The following PTPRN2 variants were observed in gnomAD, a reference collection of about 807,000 sequenced individuals.
PTPRN2 encodes the protein receptor-type tyrosine-protein phosphatase N2.
PTPRN2 carries 74 observed loss-of-function variants against 118.8 expected under a neutral mutation model. That is an observed-to-expected ratio of 0.62 (90% CI 0.52 to 0.76). The LOEUF is 0.76. Among genes scored for constraint, PTPRN2 ranks in the 30% least tolerant of loss-of-function variants. The probability of loss-of-function intolerance (pLI) is 0.00; values close to 1 mark genes in which losing one functional copy is unlikely to be tolerated. For missense variants in PTPRN2, 1,481 were observed against 1,394.4 expected, an observed-to-expected ratio of 1.06 and a Z score of -0.99; for synonymous variants, 641 against 608.0, an observed-to-expected ratio of 1.05 and a Z score of -0.80.
At chr7:157,816,319 A>G (rs1806397818) in intron 12 of PTPRN2, among the ~76,000 whole-genome samples, 1 of 152,160 alleles carries the variant, frequency 6.6e-6, no homozygotes, top group South Asian at 2.1e-4. Context: ...GGTCGGCCCC[A>G]GGGTGAATGA....
At chr7:157,856,454 G>A (rs1428575983) in intron 12 of PTPRN2, among the ~76,000 whole-genome samples, 4 of 152,262 alleles carry the variant, frequency 2.6e-5, no homozygotes, top group African/African-American at 7.2e-5. Flanking sequence ...TTGCTGGGGC[G>A]TCCCGTTCCC....
At chr7:158,472,932 G>T (rs967381168) in intron 2 of PTPRN2, among the ~76,000 whole-genome samples, 2 of 152,034 alleles carry the variant, frequency 1.3e-5, no homozygotes, top group African/African-American at 4.8e-5. Flanking sequence ...TGCTGCAAAT[G>T]CTGGTGGTTA....
At chr7:158,228,502 CA>C (rs1315679798) in intron 3 of PTPRN2, among the ~76,000 whole-genome samples, 2 of 152,150 alleles carry the variant, frequency 1.3e-5, no homozygotes, top group South Asian at 2.1e-4. Flanking sequence ...CTTCTGGTCC[CA>C]AAATGGTGGT....
At chr7:158,183,628 C>T (rs1388543888) in intron 5 of PTPRN2, among the ~76,000 whole-genome samples, 1 of 152,214 alleles carries the variant, frequency 6.6e-6, no homozygotes, top group Admixed American at 6.5e-5. Flanking sequence ...GCTTCTCCTA[C>T]TTTATATTCT....
chr7:158,372,609 C>A (rs1810153692), intron 2 of PTPRN2, among the ~76,000 whole-genome samples: 1 of 150,430 alleles, frequency 6.6e-6, no homozygotes, highest in South Asian at 2.1e-4. Context: ...AGAGCTGGTC[C>A]CCACCACGCT....
intron 11 of PTPRN2, among the ~76,000 whole-genome samples, chr7:157,941,289 A>G (rs1370349529): frequency 1.4e-5 from 1 of 69,174 alleles, no homozygotes; most frequent in Non-Finnish European, 2.3e-5. Flanking sequence ...CTGCAAATCT[A>G]ACACTCTCCC....
intron 2 of PTPRN2, among the ~76,000 whole-genome samples, chr7:158,337,758 T>C (rs1283160423): frequency 3.5e-3 from 303 of 86,512 alleles, no homozygotes; most frequent in Middle Eastern, 9.4e-3. Flanking sequence ...CCATAAGAGG[T>C]GACACCTGCA....
chr7:157,821,579 T>C (rs74592271), intron 12 of PTPRN2, among the ~76,000 whole-genome samples: 5,107 of 152,196 alleles, frequency 0.034, 293 homozygotes, highest in African/African-American at 0.11. Flanking sequence ...CAAAAGCTGA[T>C]GGAGAGCCCA....
intron 1 of PTPRN2, among the ~76,000 whole-genome samples, chr7:158,512,052 A>G (rs1344440420): frequency 1.3e-5 from 2 of 152,228 alleles, no homozygotes; most frequent in Non-Finnish European, 2.9e-5. Context: ...TTAACAAAAA[A>G]AATCAAGGAT....
At chr7:158,507,583 G>A (rs1822848927) in intron 1 of PTPRN2, among the ~76,000 whole-genome samples, 1 of 146,730 alleles carries the variant, frequency 6.8e-6, no homozygotes, top group African/African-American at 2.6e-5. Flanking sequence ...GCAGGAAATT[G>A]CACACACGAA....
intron 13 of PTPRN2, among the ~76,000 whole-genome samples, chr7:157,679,110 TAC>T (rs1417108734): frequency 6.6e-6 from 1 of 151,862 alleles, no homozygotes; most frequent in Non-Finnish European, 1.5e-5. Flanking sequence ...AATATATATA[TAC>T]ACACATATAT....
chr7:158,162,642 A>ACTGCATGTCACCTGTTGTC (rs1554566791), intron 6 of PTPRN2, among the ~76,000 whole-genome samples: 12 of 151,064 alleles, frequency 7.9e-5, no homozygotes, highest in Non-Finnish European at 1.8e-4. Flanking sequence ...TTCACCGGCC[A>ACTGCATGTCACCTGTTGTC]CTGCACGTCA....
At chr7:158,210,130 T>C (rs535130358) in intron 3 of PTPRN2, among the ~76,000 whole-genome samples, 16 of 131,642 alleles carry the variant, frequency 1.2e-4, no homozygotes, top group Admixed American at 3.8e-4. Context: ...TAATGATGCA[T>C]CTTTTTTTTT....
chr7:158,334,725 C>A (rs1291160948), intron 2 of PTPRN2, among the ~76,000 whole-genome samples: 8 of 24,488 alleles, frequency 3.3e-4, no homozygotes, highest in Non-Finnish European at 4.1e-4. Flanking sequence ...GACGTCACAC[C>A]CACACTCTCA....
intron 3 of PTPRN2, among the ~76,000 whole-genome samples, chr7:158,304,604 T>C (rs1801144512): frequency 6.6e-6 from 1 of 152,246 alleles, no homozygotes; most frequent in African/African-American, 2.4e-5. Flanking sequence ...TACACAGGCT[T>C]GGTCCAGAAA....
rs113696089 is a variant in PTPRN2, at chr7:158,102,960, C to A, written c.1643+7869G>T. On this transcript the variant is annotated intron_variant, in intron 10 of 22. Coordinates refer to ENST00000389418, the MANE Select transcript of PTPRN2 (RefSeq NM_002847.5). ...AGCGGCATCAGAGCTGAGTCCTAGACAGGGAGCCTGACGGGACAGGAGCTG... is the reference window on the plus strand; with the variant it reads ...AGCGGCATCAGAGCTGAGTCCTAGAAAGGGAGCCTGACGGGACAGGAGCTG... 3.4e-3 allele frequency among the ~76,000 whole-genome samples: 516 copies of A among 152,318 alleles called. 5 individuals carry two copies. The highest frequency in any genetic ancestry group is 0.012 in the African/African-American group (495 of 41,576).
rs1798208864 is a variant in PTPRN2, at chr7:157,704,037, G to A, written c.1789-21100C>T. Among the ~76,000 whole-genome samples the A allele has an allele frequency of 5.3e-5, 8 of 152,300 alleles. No homozygotes were observed. The East Asian group carries it at 1.5e-3, about 29-fold the overall frequency. ...GGTGCCATCCTCCGCGGGGTGAGGTGCCACCAGGAATCCCTTTCCTTAGAT... is the reference window on the plus strand; with the variant it reads ...GGTGCCATCCTCCGCGGGGTGAGGTACCACCAGGAATCCCTTTCCTTAGAT... On this transcript the variant is annotated intron_variant, in intron 12 of 22. Coordinates refer to ENST00000389418, the MANE Select transcript of PTPRN2 (RefSeq NM_002847.5).
intron 12 of PTPRN2, among the ~76,000 whole-genome samples, chr7:157,758,169 G>C (rs1429588582): frequency 6.6e-6 from 1 of 152,244 alleles, no homozygotes; most frequent in African/African-American, 2.4e-5. Flanking sequence ...CAGTGGGCCG[G>C]TTGCGGGGAA....
At chr7:158,405,165 G>A (rs1032447896) in intron 2 of PTPRN2, among the ~76,000 whole-genome samples, 5 of 152,018 alleles carry the variant, frequency 3.3e-5, no homozygotes, top group South Asian at 4.2e-4. Flanking sequence ...ACAGCATCAC[G>A]AACATCCACA....
Sources: allele counts gnomAD v4.1 joint callset (sites outside exome capture counted in the v4.1 genomes callset), GRCh38; gene constraint gnomAD v4.1.1; transcripts MANE v1.5; gene names NCBI Gene and HGNC (gene_info 2026-07-23, HGNC 2026-07-21).